Variants in PDLIM1 observed in about 807,000 individuals in gnomAD.
The protein encoded by PDLIM1 is PDZ and LIM domain protein 1.
PDLIM1 carries 25 observed loss-of-function variants against 35.2 expected under a neutral mutation model. The ratio of observed to expected loss-of-function variants is 0.71; its 90% CI spans 0.52 to 0.99. The LOEUF is 0.99. PDLIM1 is among the 50% of genes least tolerant of loss of function. PDLIM1 has a pLI of 0.00. For synonymous variants in PDLIM1, 152 were observed against 154.0 expected (o/e 0.99, Z 0.10); for missense variants, 363 against 415.3 (o/e 0.87, Z 1.09).
At chr10:95,268,171 T>C (rs558813690) in intron 3 of PDLIM1, among the ~76,000 whole-genome samples, 1 of 152,352 alleles carries the variant, frequency 6.6e-6, no homozygotes, top group South Asian at 2.1e-4. Context: ...CTTAGGGCAG[T>C]CTACTGTCCT....
intron 3 of PDLIM1, among the ~76,000 whole-genome samples, chr10:95,264,820 A>C (rs1185635205): frequency 6.6e-6 from 1 of 152,154 alleles, no homozygotes; most frequent in Non-Finnish European, 1.5e-5. Flanking sequence ...CAGGTGAATA[A>C]TTACTACAGC....
At chr10:95,268,724 A>C in intron 3 of PDLIM1, 54 bp downstream of exon 3, 1 of 1,162,070 alleles carries the variant, frequency 8.6e-7, no homozygotes, top group Admixed American at 1.7e-5. Context: ...GCAGTGTCAG[A>C]AACGGCAAAG....
At chr10:95,254,685 T>A (rs2035295565) in intron 4 of PDLIM1, among the ~76,000 whole-genome samples, 1 of 152,088 alleles carries the variant, frequency 6.6e-6, no homozygotes, top group African/African-American at 2.4e-5. Flanking sequence ...GGGAGGTCAA[T>A]GCAGGAGGAT....
chr10:95,255,317 A>AAGAT (rs2035303047), intron 4 of PDLIM1, among the ~76,000 whole-genome samples: 1 of 142,864 alleles, frequency 7.0e-6, no homozygotes, highest in Admixed American at 7.3e-5. Flanking sequence ...ACCAAAACCA[A>AAGAT]AGATACTAAA....
In PDLIM1 at chr10:95,286,359, A is replaced by G. The variant is rs2035602120; in HGVS notation, c.96+4461T>C. Among the ~76,000 whole-genome samples the G allele has an allele frequency of 2.6e-5, 4 of 151,874 alleles. No homozygotes were observed. In the South Asian group the frequency reaches 8.3e-4, roughly 32 times the overall value. ...GCAACAGAGCGACACCCTGTCTCAA[A>G]AAAAAAAAAGTAGCTCTCATATTCA... is the stretch of plus-strand genomic sequence containing the variant. On this transcript the variant is annotated intron_variant, in intron 1 of 6. Transcript: ENST00000329399.
At position 95,290,733 on chromosome 10, in the gene PDLIM1, C is replaced by T. The variant is rs2035646219; in HGVS notation, c.96+87G>A. 6.9e-6 allele frequency: 6 copies of T among 865,178 alleles called. No individual in the cohort carries two copies. The highest frequency in any genetic ancestry group is 1.0e-5 in the Non-Finnish European group (6 of 597,500). 53.6% of individuals were successfully genotyped at this position (865,178 alleles called of 1,614,324 possible). A position where few individuals can be genotyped will look rare whatever the true frequency, so the allele number is the denominator to read the frequency against. On this transcript the variant is annotated intron_variant, in intron 1 of 6. Coordinates refer to ENST00000329399, the MANE Select transcript of PDLIM1 (RefSeq NM_020992.4). This position sits in a 1 kb window ranked among gnomAD's most constrained non-coding sequence, Gnocchi z 4.7. The stretch of plus-strand genomic sequence containing the variant: ...ACGCGCCCGGCTGCGGTTCCGACTC[C>T]GTCCCCGACCGCGCCCGCGGGGCCC...
intron 1 of PDLIM1, among the ~76,000 whole-genome samples, chr10:95,272,347 A>G (rs1264604564): frequency 6.6e-6 from 1 of 152,234 alleles, no homozygotes; most frequent in Non-Finnish European, 1.5e-5. Flanking sequence ...ACAGTTTTGC[A>G]ATGTTTTTTA....
intron 5 of PDLIM1, among the ~76,000 whole-genome samples, chr10:95,245,799 C>A (rs2035214214): frequency 6.6e-6 from 1 of 152,156 alleles, no homozygotes; most frequent in Non-Finnish European, 1.5e-5. Context: ...TTGTAAACTG[C>A]CACTCTCTCT....
chr10:95,254,715 G>C (rs562746387), intron 4 of PDLIM1, among the ~76,000 whole-genome samples: 1 of 151,986 alleles, frequency 6.6e-6, no homozygotes, highest in African/African-American at 2.4e-5. Flanking sequence ...TCAGAAGTTC[G>C]AGACCAGCCT....
chr10:95,286,117 G>A (rs2035599815), intron 1 of PDLIM1, among the ~76,000 whole-genome samples: 1 of 152,236 alleles, frequency 6.6e-6, no homozygotes, highest in African/African-American at 2.4e-5. Flanking sequence ...AGCACTTTGG[G>A]AGGCTAAGGT....
At chr10:95,281,249 A>G (rs934045876) in intron 1 of PDLIM1, among the ~76,000 whole-genome samples, 2 of 152,068 alleles carry the variant, frequency 1.3e-5, no homozygotes, top group African/African-American at 4.8e-5. Flanking sequence ...CCATTAGAAT[A>G]GTATTCCTCT....
At chr10:95,281,297 G>A (rs2035559178) in intron 1 of PDLIM1, among the ~76,000 whole-genome samples, 1 of 151,778 alleles carries the variant, frequency 6.6e-6, no homozygotes, top group Admixed American at 6.6e-5. Flanking sequence ...AAAAAAATAG[G>A]CCAGGCAGGG....
Position 95,290,691 on chromosome 10 carries a change from A to G in PDLIM1, c.96+129T>C. The G allele has an allele frequency of 2.1e-6, 1 of 475,974 alleles. No individual in the cohort carries two copies. The highest frequency in any genetic ancestry group is 3.6e-6 in the Non-Finnish European group (1 of 280,558). 29.5% of individuals were successfully genotyped at this position (475,974 alleles called of 1,614,324 possible). A position where few individuals can be genotyped will look rare whatever the true frequency, so the allele number is the denominator to read the frequency against. On this transcript the variant is annotated intron_variant, in intron 1 of 6. Transcript: ENST00000329399. The surrounding 1 kb of genome is among the most constrained non-coding windows in gnomAD (Gnocchi z 4.7). ...GGCCCGGGCGCGCGGAGAGCGCTCA[A>G]CTAACAGCGCACCTGGACGCGCCCG...
intron 5 of PDLIM1, among the ~76,000 whole-genome samples, chr10:95,240,811 A>G (rs1014450657): frequency 6.6e-6 from 1 of 152,204 alleles, no homozygotes; most frequent in African/African-American, 2.4e-5. Context: ...TGCGTGTAAA[A>G]TAAGCCCCTA....
intron 1 of PDLIM1, among the ~76,000 whole-genome samples, chr10:95,275,229 T>C (rs1253417883): frequency 6.6e-6 from 1 of 152,210 alleles, no homozygotes; most frequent in Non-Finnish European, 1.5e-5. Context: ...AGCATTCACC[T>C]TCCCTAGCCC....
chr10:95,264,317 C>G (rs938626441), intron 3 of PDLIM1, among the ~76,000 whole-genome samples: 1 of 152,136 alleles, frequency 6.6e-6, no homozygotes. Flanking sequence ...TCCTTGAGGC[C>G]CAGCAAAGCC....
At position 95,283,673 on chromosome 10, in the gene PDLIM1, G is replaced by A. The variant is rs572132609; in HGVS notation, c.96+7147C>T. On this transcript the variant is annotated intron_variant, in intron 1 of 6. Transcript: ENST00000329399. ...TGCTTTCTGTAGGTTTATATTGTCC[G>A]ATCTTTTAAACAATTACGCGGGCTT... Among the ~76,000 whole-genome samples the A allele has an allele frequency of 1.5e-3, 224 of 152,296 alleles. 1 individual carries two copies. The highest frequency in any genetic ancestry group is 6.0e-4 in the African/African-American group (25 of 41,564).
intron 1 of PDLIM1, among the ~76,000 whole-genome samples, chr10:95,272,495 T>C (rs1331962352): frequency 6.6e-6 from 1 of 152,088 alleles, no homozygotes; most frequent in African/African-American, 2.4e-5. Flanking sequence ...CTGGCCAGCA[T>C]GGTGAAACCC....
intron 1 of PDLIM1, among the ~76,000 whole-genome samples, chr10:95,279,060 A>G (rs546326853): frequency 6.6e-6 from 1 of 152,326 alleles, no homozygotes; most frequent in East Asian, 1.9e-4. Context: ...CATTTAAATT[A>G]CATGCCAATA....
Sources: gnomAD v4.1 joint callset for allele counts (sites outside exome capture counted in the v4.1 genomes callset) on GRCh38, gnomAD v4.1.1 for gene constraint, Gnocchi (gnomAD v3.1) non-coding constraint, MANE v1.5 for transcripts, NCBI Gene and HGNC (gene_info 2026-07-23, HGNC 2026-07-21) for gene names.